Variants in CNKSR2 observed in about 807,000 individuals in gnomAD.
The protein encoded by CNKSR2 is CNK homolog protein 2.
A neutral mutation model predicts 84.4 loss-of-function variants in CNKSR2; 14 were observed. The ratio of observed to expected loss-of-function variants is 0.17; its 90% CI spans 0.11 to 0.26. CNKSR2 has a LOEUF of 0.26. CNKSR2 is among the 10% of genes least tolerant of loss of function. The probability of loss-of-function intolerance (pLI) is 1.00; values close to 1 mark genes in which losing one functional copy is unlikely to be tolerated. For missense variants in CNKSR2, 485 were observed against 771.2 expected (o/e 0.63, Z 4.40); for synonymous variants, 275 against 277.9 (o/e 0.99, Z 0.10).
intron 13 of CNKSR2, among the ~76,000 whole-genome samples, chrX:21,579,281 A>G (rs2092339676): frequency 8.9e-6 from 1 of 112,050 alleles, no homozygotes; most frequent in South Asian, 3.8e-4. Flanking sequence ...AATTGATGCA[A>G]TAGGAAACTA....
intron 1 of CNKSR2, among the ~76,000 whole-genome samples, chrX:21,403,254 C>T (rs1391175421): frequency 9.0e-6 from 1 of 111,231 alleles, no homozygotes; most frequent in Admixed American, 9.6e-5. Flanking sequence ...TCAGTTCTCC[C>T]TCAGTATTCA....
intron 1 of CNKSR2, among the ~76,000 whole-genome samples, chrX:21,403,960 G>A (rs1474425830): frequency 8.9e-6 from 1 of 112,048 alleles, no homozygotes; most frequent in African/African-American, 3.2e-5. Flanking sequence ...AAATAGCATT[G>A]TATAGCAAAC....
intron 11 of CNKSR2, among the ~76,000 whole-genome samples, chrX:21,557,704 G>T (rs1293123440): frequency 9.0e-6 from 1 of 111,038 alleles, no homozygotes; most frequent in African/African-American, 3.3e-5. Flanking sequence ...ATATTTAAAT[G>T]GGCCCTAATC....
chrX:21,496,038 T>C (rs1307009540), intron 6 of CNKSR2, among the ~76,000 whole-genome samples: 2 of 110,367 alleles, frequency 1.8e-5, no homozygotes, highest in Non-Finnish European at 3.8e-5. Context: ...AGCATGTTAC[T>C]GTACTGAATA....
intron 4 of CNKSR2, 45 bp downstream of exon 4, chrX:21,440,826 C>A (rs763317142): frequency 2.5e-6 from 2 of 794,870 alleles, no homozygotes; most frequent in South Asian, 2.5e-5. Context: ...TTAGCAACTT[C>A]ATATTCCAAC....
chrX:21,557,836 A>G (rs1319647729), intron 11 of CNKSR2, among the ~76,000 whole-genome samples: 1 of 111,632 alleles, frequency 9.0e-6, no homozygotes, highest in African/African-American at 3.2e-5. Context: ...AAACTTTTCC[A>G]GATTACTTTT....
chrX:21,556,624 C>T (rs1310646684), intron 11 of CNKSR2, among the ~76,000 whole-genome samples: 1 of 110,460 alleles, frequency 9.1e-6, no homozygotes, highest in Non-Finnish European at 1.9e-5. Context: ...TCAGAAAAGT[C>T]AAGGACTCTG....
intron 20 of CNKSR2, chrX:21,645,286 T>G (rs1463753084): frequency 1.8e-5 from 2 of 111,962 alleles, no homozygotes; most frequent in African/African-American, 6.5e-5. Context: ...CATCAATCAA[T>G]GAAATTTTAT....
intron 4 of CNKSR2, among the ~76,000 whole-genome samples, chrX:21,457,417 C>T (rs2147117244): frequency 9.0e-6 from 1 of 111,348 alleles, no homozygotes; most frequent in African/African-American, 3.3e-5. Flanking sequence ...TTCTCTAGAC[C>T]ACTAAGTAAA....
In CNKSR2 at chrX:21,609,341, C is replaced by G; in HGVS notation, c.2416C>G (p.Arg806Gly). ...DSAAISPEHRRQSTLPTQKCH... is the reference protein window; with the variant it reads ...DSAAISPEHRGQSTLPTQKCH... ...CGCGGCCATCTCCCCAGAGCACAGG[C>G]GGCAGTCTACCCTGCCAACTCAGAA... Residue 806 changes from arginine to glycine, a missense_variant, in exon 20 of 22, where the codon CGG becomes GGG. Physicochemically the swap from Arg to Gly is moderately radical, Grantham distance 125. Coordinates refer to ENST00000379510, the MANE Select transcript of CNKSR2 (RefSeq NM_014927.5). 8.3e-7 allele frequency: 1 copy of G among 1,211,461 alleles called. No homozygotes were observed. Among genetic ancestry groups the G allele is most frequent in the Non-Finnish European group, 1.1e-6 (1 of 895,196 alleles).
chrX:21,527,542 A>G (rs1007739851), intron 10 of CNKSR2, among the ~76,000 whole-genome samples: 1 of 110,890 alleles, frequency 9.0e-6, no homozygotes, highest in African/African-American at 3.3e-5. Flanking sequence ...AGAGTTTACA[A>G]GGGAATGAAT....
rs2146929674 is a variant in CNKSR2 at position 21,374,687 on chromosome X, T to C, written c.-211T>C. The C allele has an allele frequency of 2.0e-6, 1 of 507,308 alleles. No homozygotes were observed. The highest frequency in any genetic ancestry group is 2.3e-5 in the African/African-American group (1 of 42,872). 41.8% of individuals were successfully genotyped at this position (507,308 alleles called of 1,213,427 possible). On this transcript the variant is annotated 5_prime_UTR_variant, in exon 1 of 22. Transcript: ENST00000379510. ...AGCAGACCCGGCGCGGAGCCACGACTCCTGCACGTTTACCTCCCTGTCGCC... is the reference window on the plus strand; with the variant it reads ...AGCAGACCCGGCGCGGAGCCACGACCCCTGCACGTTTACCTCCCTGTCGCC...
At chrX:21,449,294 ACT>A (rs1207034366) in intron 4 of CNKSR2, among the ~76,000 whole-genome samples, 1 of 84,141 alleles carries the variant, frequency 1.2e-5, no homozygotes, top group Admixed American at 1.3e-4. Context: ...GCAGAGTGAG[ACT>A]CCGTCTCAAA....
intron 4 of CNKSR2, among the ~76,000 whole-genome samples, chrX:21,453,649 G>A (rs2090963131): frequency 8.9e-6 from 1 of 111,794 alleles, no homozygotes; most frequent in Admixed American, 9.6e-5. Context: ...AGTCTCTAAA[G>A]CTGTATTAGT....
chrX:21,624,264 A>G (rs1261501397), intron 20 of CNKSR2, among the ~76,000 whole-genome samples: 2 of 112,109 alleles, frequency 1.8e-5, no homozygotes, highest in African/African-American at 6.5e-5. Flanking sequence ...GCAAAAGTCC[A>G]CTAAGCAGGG....
At chrX:21,644,862 C>T (rs959032070) in intron 20 of CNKSR2, 1 of 111,837 alleles carries the variant, frequency 8.9e-6, no homozygotes, top group Non-Finnish European at 1.9e-5. Context: ...TTCGATAAAA[C>T]GGAAGTGTTT....
chrX:21,407,954 TC>T (rs1026802952), intron 1 of CNKSR2, among the ~76,000 whole-genome samples: 4 of 111,683 alleles, frequency 3.6e-5, no homozygotes, highest in African/African-American at 1.3e-4. Flanking sequence ...AATAAAAAGT[TC>T]TTATTCACTC....
intron 4 of CNKSR2, among the ~76,000 whole-genome samples, chrX:21,468,896 A>G (rs1157985918): frequency 8.9e-6 from 1 of 111,973 alleles, no homozygotes; most frequent in Non-Finnish European, 1.9e-5. Flanking sequence ...TTCATCTTAT[A>G]AAGCACACAC....
At chrX:21,395,685 T>C (rs1305357162) in intron 1 of CNKSR2, among the ~76,000 whole-genome samples, 1 of 111,614 alleles carries the variant, frequency 9.0e-6, no homozygotes. Context: ...AGCTGTAAGA[T>C]TTGGTGATTA....
Sources: gnomAD v4.1 joint callset for allele counts (sites outside exome capture counted in the v4.1 genomes callset) on GRCh38, gnomAD v4.1.1 for gene constraint, MANE v1.5 for transcripts, NCBI Gene and HGNC (gene_info 2026-07-23, HGNC 2026-07-21) for gene names.